CCDC30: variants seen among roughly 807,000 people sequenced by gnomAD.
The protein encoded by CCDC30 is coiled-coil domain-containing protein 30.
Under a neutral mutation model 100.2 loss-of-function variants are expected in CCDC30, and 70 were observed. That is an observed-to-expected ratio of 0.70 (90% CI 0.58 to 0.85). CCDC30 has a LOEUF of 0.85. Ranked by LOEUF, CCDC30 falls within the 40% of genes least tolerant of loss-of-function variation. The pLI is 0.00. For missense variants in CCDC30, 652 were observed against 771.2 expected (o/e 0.85, Z 1.83); for synonymous variants, 233 against 269.5 (o/e 0.86, Z 1.33).
At chr1:42,470,782 A>G (rs897853653) in intron 1 of CCDC30, among the ~76,000 whole-genome samples, 15 of 152,294 alleles carry the variant, frequency 9.8e-5, no homozygotes, top group African/African-American at 3.6e-4. Context: ...AGTAGAATAG[A>G]GATTCCCAGG....
intron 10 of CCDC30, among the ~76,000 whole-genome samples, chr1:42,609,066 G>A (rs548409343): frequency 2.0e-5 from 3 of 152,246 alleles, no homozygotes; most frequent in African/African-American, 7.2e-5. Context: ...TCAAATTACA[G>A]TGTATTTCTG....
intron 11 of CCDC30, among the ~76,000 whole-genome samples, chr1:42,620,755 C>G (rs1646815123): frequency 6.6e-6 from 1 of 152,100 alleles, no homozygotes; most frequent in African/African-American, 2.4e-5. Context: ...GCTCACAGAT[C>G]TCAAGAAAAG....
chr1:42,476,498 T>C (rs1286130868), intron 1 of CCDC30, among the ~76,000 whole-genome samples: 2 of 151,978 alleles, frequency 1.3e-5, no homozygotes, highest in Admixed American at 6.6e-5. Context: ...CGAGACCAGC[T>C]TGACCAACAT....
In CCDC30 at chr1:42,566,486, T is replaced by A. The variant is rs1645609252; in HGVS notation, c.636+11T>A. 1.9e-6 allele frequency: 3 copies of A among 1,608,810 alleles called. No individual in the cohort carries two copies. The East Asian group carries it at 6.7e-5, about 36-fold the overall frequency. Reference sequence around the variant, plus strand: ...GAAGAAAACATTAAGGTAACTCTTGTGGGCAAATGCTTTATGGAAGGGTTT... The same window carrying A: ...GAAGAAAACATTAAGGTAACTCTTGAGGGCAAATGCTTTATGGAAGGGTTT... On this transcript the variant is annotated intron_variant, in intron 7 of 16. Transcript: ENST00000668663.
intron 4 of CCDC30, among the ~76,000 whole-genome samples, chr1:42,496,687 A>T (rs1388771783): frequency 6.6e-6 from 1 of 152,192 alleles, no homozygotes; most frequent in African/African-American, 2.4e-5. Context: ...TTGTTCTAAG[A>T]ACAGATATAT....
At chr1:42,489,611 C>T (rs774430495) in intron 3 of CCDC30, among the ~76,000 whole-genome samples, 8 of 152,144 alleles carry the variant, frequency 5.3e-5, no homozygotes, top group African/African-American at 1.4e-4. Flanking sequence ...ATGAGGAGAC[C>T]GTAGGAGACA....
chr1:42,522,663 A>T (rs75447396), intron 6 of CCDC30, among the ~76,000 whole-genome samples: 1 of 152,292 alleles, frequency 6.6e-6, no homozygotes, highest in East Asian at 1.9e-4. Context: ...GATGTCCCAA[A>T]ATTACATCTT....
At chr1:42,569,670 T>G (rs905474122) in intron 7 of CCDC30, among the ~76,000 whole-genome samples, 1 of 152,180 alleles carries the variant, frequency 6.6e-6, no homozygotes, top group African/African-American at 2.4e-5. Flanking sequence ...TAAAGACACA[T>G]GCACATGTAT....
chr1:42,651,657 A>G (rs568548568), intron 15 of CCDC30, among the ~76,000 whole-genome samples: 1 of 152,242 alleles, frequency 6.6e-6, no homozygotes, highest in East Asian at 1.9e-4. Context: ...TGAGGTCAGG[A>G]GTTCCAGACC....
At chr1:42,548,299 A>T (rs16829651) in intron 6 of CCDC30, among the ~76,000 whole-genome samples, 20,641 of 152,216 alleles carry the variant, frequency 0.14, 1,533 homozygotes, top group East Asian at 0.17. Context: ...GTCTTTGAGA[A>T]TAGATGATAT....
chr1:42,550,202 A>C (rs2148541955), intron 6 of CCDC30, among the ~76,000 whole-genome samples: 1 of 152,202 alleles, frequency 6.6e-6, no homozygotes, highest in Non-Finnish European at 1.5e-5. Flanking sequence ...TAAAATATTG[A>C]ATCTGTTCAC....
intron 1 of CCDC30, among the ~76,000 whole-genome samples, chr1:42,477,392 G>A (rs1208848623): frequency 6.6e-6 from 1 of 151,948 alleles, no homozygotes; most frequent in Non-Finnish European, 1.5e-5. Context: ...ACCATGCCTG[G>A]CTAATTTTTG....
intron 10 of CCDC30, among the ~76,000 whole-genome samples, chr1:42,598,902 A>G (rs1373995160): frequency 6.6e-6 from 1 of 152,200 alleles, no homozygotes; most frequent in African/African-American, 2.4e-5. Context: ...CTCAACAACA[A>G]CAACAAAAAT....
chr1:42,485,193 T>C (rs925676756), intron 3 of CCDC30, among the ~76,000 whole-genome samples: 1 of 152,116 alleles, frequency 6.6e-6, no homozygotes, highest in African/African-American at 2.4e-5. Context: ...AAATGGATCA[T>C]AGAGCTAAAT....
At chr1:42,607,590 A>C (rs1212090262) in intron 10 of CCDC30, among the ~76,000 whole-genome samples, 1 of 151,736 alleles carries the variant, frequency 6.6e-6, no homozygotes, top group Admixed American at 6.6e-5. Flanking sequence ...AAGGAAGAAA[A>C]TCATTGAGGA....
chr1:42,484,948 T>C (rs1264937960), intron 3 of CCDC30, among the ~76,000 whole-genome samples: 1 of 152,172 alleles, frequency 6.6e-6, no homozygotes, highest in Non-Finnish European at 1.5e-5. Flanking sequence ...TGGCCTTTAT[T>C]GAATCCTGAT....
At chr1:42,470,462 G>C (rs569633559) in intron 1 of CCDC30, among the ~76,000 whole-genome samples, 1 of 152,150 alleles carries the variant, frequency 6.6e-6, no homozygotes, top group South Asian at 2.1e-4. Flanking sequence ...CCACTCCTAC[G>C]TATATACCCC....
chr1:42,630,361 T>C (rs546058360), intron 11 of CCDC30, among the ~76,000 whole-genome samples: 3 of 152,136 alleles, frequency 2.0e-5, no homozygotes, highest in South Asian at 2.1e-4. Context: ...TCCTCTGCTT[T>C]TGTATTTACT....
intron 6 of CCDC30, among the ~76,000 whole-genome samples, chr1:42,544,323 A>G (rs980373227): frequency 8.5e-5 from 13 of 152,356 alleles, no homozygotes; most frequent in African/African-American, 2.9e-4. Context: ...TGTCAAAACA[A>G]AACAAAAAGA....
Sources: allele counts gnomAD v4.1 joint callset (sites outside exome capture counted in the v4.1 genomes callset), GRCh38; gene constraint gnomAD v4.1.1; transcripts MANE v1.5; gene names NCBI Gene and HGNC (gene_info 2026-07-23, HGNC 2026-07-21).